The following FHAD1 variants were observed in gnomAD, a reference collection of about 807,000 sequenced individuals.
FHAD1 encodes forkhead associated phosphopeptide binding domain 1.
FHAD1 carries 146 observed loss-of-function variants against 191.3 expected under a neutral mutation model. That is an observed-to-expected ratio of 0.76 (90% confidence interval 0.67 to 0.88). The LOEUF is 0.88. Ranked by LOEUF, FHAD1 falls within the 40% of genes least tolerant of loss-of-function variation. FHAD1 has a pLI of 0.00. For synonymous variants in FHAD1, 616 were observed against 672.3 expected (o/e 0.92, Z 1.29); for missense variants, 1,635 against 1,785.8 (o/e 0.92, Z 1.52).
chr1:15,383,613 C>T (rs1701417251), intron 31 of FHAD1: 3 of 304,792 alleles, frequency 9.8e-6, no homozygotes, highest in South Asian at 9.2e-5. Flanking sequence ...CAGACTCTCC[C>T]TTTCCTTCAC....
At chr1:15,376,065 A>ATTTTTTT (rs1558270767) in intron 28 of FHAD1, among the ~76,000 whole-genome samples, 1 of 88,574 alleles carries the variant, frequency 1.1e-5, no homozygotes, top group African/African-American at 4.5e-5. Context: ...TTATTTATTT[A>ATTTTTTT]TTTATTTATT....
chr1:15,289,725 C>G lies in FHAD1; in HGVS notation c.568+59C>G. The G allele has an allele frequency of 1.3e-6, 2 of 1,483,808 alleles. No individual in the cohort carries two copies. The highest frequency in any genetic ancestry group is 1.8e-6 in the Non-Finnish European group (2 of 1,111,832). The allele number at this position is 1,483,808 out of a possible 1,614,324, so 91.9% of individuals were successfully genotyped here. On this transcript the variant is annotated intron_variant, in intron 4 of 33. Transcript: ENST00000688493. This position sits in a 1 kb window ranked among gnomAD's most constrained non-coding sequence, Gnocchi z 4.2. ...GTGGTTCACGGCCATGTGGATGGGT[C>G]TTGGTTTTGGTTTACTTTCTGATTC...
intron 6 of FHAD1, among the ~76,000 whole-genome samples, chr1:15,307,567 G>C (rs1031511314): frequency 9.9e-5 from 15 of 152,098 alleles, no homozygotes; most frequent in African/African-American, 3.4e-4. Flanking sequence ...GAATCATGGG[G>C]GCTGGTCTTT....
At chr1:15,332,798 G>A (rs1276020693) in intron 14 of FHAD1, among the ~76,000 whole-genome samples, 1 of 152,216 alleles carries the variant, frequency 6.6e-6, no homozygotes, top group East Asian at 1.9e-4. Flanking sequence ...TTTTAGGCAA[G>A]CATTCCTCAG....
chr1:15,366,696 A>G (rs1436426370), intron 24 of FHAD1, among the ~76,000 whole-genome samples: 2 of 152,090 alleles, frequency 1.3e-5, no homozygotes, highest in Non-Finnish European at 2.9e-5. Flanking sequence ...CCTTCTTCCT[A>G]CGGTTGACAT....
At chr1:15,300,019 C>T (rs1341365305) in intron 5 of FHAD1, among the ~76,000 whole-genome samples, 2 of 152,240 alleles carry the variant, frequency 1.3e-5, no homozygotes, top group Non-Finnish European at 2.9e-5. Flanking sequence ...AAACTGCCCA[C>T]CCGCTTCCTT....
chr1:15,281,928 G>GGA (rs1465511023), intron 3 of FHAD1, among the ~76,000 whole-genome samples: 7 of 151,884 alleles, frequency 4.6e-5, no homozygotes, highest in African/African-American at 1.7e-4. Context: ...ATATCAGTAC[G>GGA]GACTCCTCTG....
chr1:15,310,643 A>G (rs1360670351), intron 7 of FHAD1, among the ~76,000 whole-genome samples: 1 of 151,724 alleles, frequency 6.6e-6, no homozygotes, highest in Non-Finnish European at 1.5e-5. Flanking sequence ...TTCAGGCCCC[A>G]CTCCTGACCT....
At chr1:15,283,294 T>C (rs1661246656) in intron 3 of FHAD1, among the ~76,000 whole-genome samples, 1 of 152,094 alleles carries the variant, frequency 6.6e-6, no homozygotes, top group Admixed American at 6.5e-5. Flanking sequence ...CTCAATTTGG[T>C]CTGGTGTCTG....
At chr1:15,309,384 TCC>T (rs1671541919) in intron 7 of FHAD1, among the ~76,000 whole-genome samples, 1 of 152,128 alleles carries the variant, frequency 6.6e-6, no homozygotes, top group African/African-American at 2.4e-5. Context: ...GCAGTCAAGA[TCC>T]CTCTGCCCCT....
At chr1:15,324,288 T>G (rs3765354) in intron 10 of FHAD1, among the ~76,000 whole-genome samples, 164 bp from the exon 11 acceptor site, 49,972 of 151,156 alleles carry the variant, frequency 0.33, 8,494 homozygotes, top group African/African-American at 0.39. Context: ...AGTGCCCCCC[T>G]AGCCTGGCTC....
At chr1:15,303,848 CAAAA>C (rs765601462) in intron 6 of FHAD1, among the ~76,000 whole-genome samples, 6 of 104,420 alleles carry the variant, frequency 5.7e-5, no homozygotes. Flanking sequence ...GACTCTGTCT[CAAAA>C]AAAAAAAAAA....
intron 2 of FHAD1, among the ~76,000 whole-genome samples, chr1:15,265,764 G>C (rs137934272): frequency 0.076 from 11,510 of 152,094 alleles, 533 homozygotes; most frequent in South Asian, 0.21. Context: ...CTGAGGTCTG[G>C]AGTTTGAGAC....
chr1:15,259,149 T>A (rs6665771), intron 2 of FHAD1, among the ~76,000 whole-genome samples: 18,598 of 152,060 alleles, frequency 0.12, 2,613 homozygotes, highest in African/African-American at 0.33. Context: ...GATCATAATC[T>A]TCTGAGACAC....
chr1:15,386,124 C>T (rs1297323117), intron 31 of FHAD1, among the ~76,000 whole-genome samples: 1 of 152,252 alleles, frequency 6.6e-6, no homozygotes. Context: ...ACCTCTGTCG[C>T]AGGTTTCTCA....
At chr1:15,343,145 C>G (rs1687416872) in intron 16 of FHAD1, among the ~76,000 whole-genome samples, 2 of 152,156 alleles carry the variant, frequency 1.3e-5, no homozygotes, top group African/African-American at 4.8e-5. Context: ...ATTTCACTGT[C>G]TTTATGACTT....
intron 26 of FHAD1, among the ~76,000 whole-genome samples, chr1:15,369,835 C>A (rs1245869535): frequency 6.6e-6 from 1 of 152,188 alleles, no homozygotes; most frequent in Non-Finnish European, 1.5e-5. Context: ...AACTCTGTGA[C>A]CTTGGGGAGG....
At chr1:15,376,069 ATTTAT>A (rs1233030202) in intron 28 of FHAD1, among the ~76,000 whole-genome samples, 6 of 140,844 alleles carry the variant, frequency 4.3e-5, no homozygotes, top group African/African-American at 1.6e-4. Flanking sequence ...TTATTTATTT[ATTTAT>A]TTATTTTTTT....
chr1:15,238,263 AAAAAAAG>A (rs1360581210), intron 1 of FHAD1, among the ~76,000 whole-genome samples: 3 of 148,996 alleles, frequency 2.0e-5, no homozygotes, highest in African/African-American at 7.7e-5. Context: ...AAAAAAAAAA[AAAAAAAG>A]GAGCACTGTT....
Sources: allele counts gnomAD v4.1 joint callset (sites outside exome capture counted in the v4.1 genomes callset), GRCh38; gene constraint gnomAD v4.1.1; non-coding constraint Gnocchi (gnomAD v3.1); transcripts MANE v1.5; gene names NCBI Gene and HGNC (gene_info 2026-07-23, HGNC 2026-07-21).